TPGS1: variants seen among roughly 807,000 people sequenced by gnomAD.
TPGS1 encodes gene trap ROSA b-geo 22.
A neutral mutation model predicts 11.9 loss-of-function variants in TPGS1; 18 were observed. The observed-to-expected ratio is 1.51, with a 90% CI of 1.04 to 2.24. The LOEUF is 2.24. TPGS1 is among the 30% of genes most tolerant of loss of function. The pLI, the probability that TPGS1 is intolerant of heterozygous loss-of-function variation, is 0.00. For missense variants in TPGS1, 500 were observed against 443.0 expected, an observed-to-expected ratio of 1.13 and a Z score of -1.16; for synonymous variants, 247 against 218.2, an observed-to-expected ratio of 1.13 and a Z score of -1.16.
rs1978659527 is a variant in TPGS1 at position 507,647 on chromosome 19, G to C, written c.141G>C (p.Met47Ile). 2 of 1,391,010 alleles carry C rather than the reference G, an allele frequency of 1.4e-6. No individual in the cohort carries two copies. Among genetic ancestry groups the C allele is most frequent in the African/African-American group, 1.5e-5 (1 of 66,730 alleles). The allele number at this position is 1,391,010 out of a possible 1,614,324, so 86.2% of individuals were successfully genotyped here. The change falls in exon 1 of 2, where the codon ATG becomes ATC. Residue 47 changes from methionine to isoleucine, a missense_variant. By Grantham distance (10) the Met-to-Ile change is conservative (BLOSUM62 1). Transcript: ENST00000359315. The part of the protein sequence containing the change: ...DFLRQVGVTE[M>I]LRAALLKVLE... ...TGCGGCAGGTCGGCGTGACGGAAAT[G>C]CTACGTGCGGCCCTGCTGAAGGTGC... is the stretch of plus-strand genomic sequence containing the variant.
chr19:507,516 G>A lies in TPGS1; in HGVS notation c.10G>A (p.Val4Met). The stretch of plus-strand genomic sequence containing the variant: ...GCTGCCCTCAGCGAAGATGGCGGCA[G>A]TGGAGAAGCGGCGGCAAGCGGTACC... Reference protein sequence around the residue: MAAVEKRRQAVPPP... With the variant: MAAMEKRRQAVPPP... The change falls in exon 1 of 2, where the codon GTG becomes ATG. Residue 4 changes from valine to methionine, a missense_variant. Physicochemically the swap from Val to Met is conservative, Grantham distance 21. Coordinates refer to ENST00000359315, the MANE Select transcript of TPGS1 (RefSeq NM_033513.3). 1.4e-6 allele frequency: 2 copies of A among 1,422,124 alleles called. No individual in the cohort carries two copies. The highest frequency in any genetic ancestry group is 1.8e-6 in the Non-Finnish European group (2 of 1,083,882). 88.1% of individuals were successfully genotyped at this position (1,422,124 alleles called of 1,614,324 possible). A position where few individuals can be genotyped will look rare whatever the true frequency, so the allele number is the denominator to read the frequency against.
chr19:508,072 C>T (rs983749262), intron 1 of TPGS1: 2 of 396,248 alleles, frequency 5.0e-6, no homozygotes, highest in Non-Finnish European at 8.9e-6. Context: ...TCCTTCTGGC[C>T]GGCTTCGCCT....
chr19:508,067 C>T (rs117198354), intron 1 of TPGS1: 7 of 399,246 alleles, frequency 1.8e-5, no homozygotes, highest in Non-Finnish European at 2.6e-5. Context: ...GCGAGTCCTT[C>T]TGGCCGGCTT....
intron 1 of TPGS1, among the ~76,000 whole-genome samples, chr19:511,375 C>T (rs1291057879): frequency 1.3e-5 from 2 of 152,250 alleles, no homozygotes; most frequent in African/African-American, 4.8e-5. Context: ...GTGATCTCAC[C>T]AGGCTGTAAT....
At chr19:510,881 G>A (rs936670879) in intron 1 of TPGS1, among the ~76,000 whole-genome samples, 9 of 152,224 alleles carry the variant, frequency 5.9e-5, no homozygotes, top group Non-Finnish European at 1.2e-4. Flanking sequence ...GCAGGGCCCT[G>A]AGCAGCGTCC....
intron 1 of TPGS1, among the ~76,000 whole-genome samples, chr19:517,393 G>T (rs1012571450): frequency 3.2e-5 from 1 of 31,230 alleles, no homozygotes; most frequent in South Asian, 8.9e-4. Flanking sequence ...AGGCTGGGAG[G>T]GGGGAGGCCA....
At chr19:507,971 A>T (rs1978676010) in intron 1 of TPGS1, 127 bp downstream of exon 1, 1 of 712,020 alleles carries the variant, frequency 1.4e-6, no homozygotes, top group Non-Finnish European at 2.0e-6. Flanking sequence ...GTAGTGCGCG[A>T]TGCCTTCTTG....
intron 1 of TPGS1, among the ~76,000 whole-genome samples, chr19:512,531 G>A (rs1978827628): frequency 6.6e-6 from 1 of 152,146 alleles, no homozygotes; most frequent in Non-Finnish European, 1.5e-5. Flanking sequence ...GAAGTGGACT[G>A]AGAAGTAGCA....
intron 1 of TPGS1, among the ~76,000 whole-genome samples, chr19:512,687 C>G (rs112926602): frequency 1.3e-5 from 2 of 152,358 alleles, no homozygotes; most frequent in Non-Finnish European, 2.9e-5. Context: ...GCAGCGCTGC[C>G]GTCGCCAGCC....
intron 1 of TPGS1, among the ~76,000 whole-genome samples, chr19:510,827 CCAGGGTTCCCCCGA>C (rs745548186): frequency 6.6e-6 from 1 of 152,228 alleles, no homozygotes; most frequent in Non-Finnish European, 1.5e-5. Flanking sequence ...CTGATCTGGG[CCAGGGTTCCCCCGA>C]CTCGTCCTCT....
At chr19:510,769 C>T (rs1352339512) in intron 1 of TPGS1, among the ~76,000 whole-genome samples, 5 of 152,222 alleles carry the variant, frequency 3.3e-5, no homozygotes, top group African/African-American at 1.2e-4. Context: ...GCTGCACTGC[C>T]CCCTGCAGGT....
intron 1 of TPGS1, among the ~76,000 whole-genome samples, chr19:511,479 C>T (rs113667226): frequency 6.6e-6 from 1 of 152,258 alleles, no homozygotes; most frequent in Non-Finnish European, 1.5e-5. Context: ...GCCTCCCACA[C>T]GTATGCCAGC....
In TPGS1 at chr19:507,762, G is replaced by A. The variant is rs920593248; in HGVS notation, c.256G>A (p.Glu86Lys). ...CTCGCCTGTAAACGGCGGCGCCGGG[G>A]AGCCCCCGGGCCAGCTCCTGCTGCA... ...LRSPVNGGAG[E>K]PPGQLLLQQQ... The change falls in exon 1 of 2, where the codon GAG (glutamate) becomes AAG (lysine). Residue 86 changes from glutamate (E) to lysine (K), a missense_variant. Transcript: ENST00000359315. 1 of 1,393,920 alleles carries A rather than the reference G, an allele frequency of 7.2e-7. No individual in the cohort carries two copies. The highest frequency in any genetic ancestry group is 9.3e-7 in the Non-Finnish European group (1 of 1,075,924). The allele number at this position is 1,393,920 out of a possible 1,614,324, so 86.3% of individuals were successfully genotyped here.
At chr19:514,870 T>C (rs891432749) in intron 1 of TPGS1, among the ~76,000 whole-genome samples, 8 of 152,346 alleles carry the variant, frequency 5.3e-5, no homozygotes, top group African/African-American at 1.9e-4. Flanking sequence ...GCCCCCACGC[T>C]GGCCACGGTG....
At chr19:514,326 G>C (rs534802289) in intron 1 of TPGS1, among the ~76,000 whole-genome samples, 1 of 147,804 alleles carries the variant, frequency 6.8e-6, no homozygotes, top group Non-Finnish European at 1.5e-5. Flanking sequence ...ACTGCACACC[G>C]ACCCCACGTT....
At chr19:516,434 G>A (rs1033870325) in intron 1 of TPGS1, among the ~76,000 whole-genome samples, 1 of 151,538 alleles carries the variant, frequency 6.6e-6, no homozygotes, top group Non-Finnish European at 1.5e-5. Context: ...GCCCAGGCTG[G>A]AGTGCAGTGG....
intron 1 of TPGS1, among the ~76,000 whole-genome samples, chr19:510,641 C>T (rs1568321832): frequency 1.3e-5 from 2 of 152,210 alleles, no homozygotes; most frequent in African/African-American, 2.4e-5. Context: ...CACACACAGA[C>T]GTTACATGAC....
At chr19:512,568 A>T (rs11666491) in intron 1 of TPGS1, among the ~76,000 whole-genome samples, 5 of 151,956 alleles carry the variant, frequency 3.3e-5, no homozygotes, top group African/African-American at 9.7e-5. Flanking sequence ...TCCCGCTGAA[A>T]GTGGGCCACG....
At chr19:513,137 C>T (rs1304173384) in intron 1 of TPGS1, among the ~76,000 whole-genome samples, 6 of 152,196 alleles carry the variant, frequency 3.9e-5, no homozygotes, top group African/African-American at 1.2e-4. Context: ...GCAGCCTGCC[C>T]GGCCTCACAG....
Sources: allele counts gnomAD v4.1 joint callset (sites outside exome capture counted in the v4.1 genomes callset), GRCh38; gene constraint gnomAD v4.1.1; transcripts MANE v1.5; gene names NCBI Gene and HGNC (gene_info 2026-07-23, HGNC 2026-07-21).